STK3: variants seen among roughly 807,000 people sequenced by gnomAD.
STK3 encodes the protein serine/threonine kinase 3, also known as serine/threonine-protein kinase 3.
A neutral mutation model predicts 58.0 loss-of-function variants in STK3; 41 were observed. That is an observed-to-expected ratio of 0.71 (90% CI 0.55 to 0.92). STK3 has a LOEUF of 0.92. STK3 is among the 40% of genes least tolerant of loss of function. STK3 has a pLI of 0.00. For synonymous variants in STK3, 170 were observed against 191.0 expected, an observed-to-expected ratio of 0.89 and a Z score of 0.91; for missense variants, 479 against 602.7, an observed-to-expected ratio of 0.79 and a Z score of 2.15.
At chr8:98,507,124 G>A (rs902511015) in intron 10 of STK3, among the ~76,000 whole-genome samples, 1 of 151,938 alleles carries the variant, frequency 6.6e-6, no homozygotes, top group Non-Finnish European at 1.5e-5. Flanking sequence ...TCATTTCTTT[G>A]GAGAGTCCTT....
chr8:98,621,207 T>G (rs374435880), intron 6 of STK3, among the ~76,000 whole-genome samples: 5 of 152,254 alleles, frequency 3.3e-5, no homozygotes, highest in African/African-American at 1.2e-4. Flanking sequence ...CCCAAAGTGC[T>G]GGGATTACAG....
intron 10 of STK3, among the ~76,000 whole-genome samples, chr8:98,525,015 T>C (rs1228885537): frequency 6.6e-6 from 1 of 152,214 alleles, no homozygotes; most frequent in East Asian, 1.9e-4. Flanking sequence ...ACCATGATAA[T>C]TTATTCATTA....
intron 1 of STK3, among the ~76,000 whole-genome samples, chr8:98,796,167 A>T (rs1463856344): frequency 6.6e-6 from 1 of 152,210 alleles, no homozygotes; most frequent in Non-Finnish European, 1.5e-5. Context: ...TGGAACCAAA[A>T]AAGGGCCTGA....
chr8:98,644,469 GCTT>G (rs1820254644), intron 6 of STK3, among the ~76,000 whole-genome samples: 1 of 152,138 alleles, frequency 6.6e-6, no homozygotes, highest in Non-Finnish European at 1.5e-5. Context: ...CTTTAGAAAA[GCTT>G]CTGAGAAAAT....
intron 8 of STK3, among the ~76,000 whole-genome samples, chr8:98,565,887 T>A (rs752272471): frequency 1.3e-5 from 2 of 152,182 alleles, no homozygotes; most frequent in African/African-American, 2.4e-5. Flanking sequence ...ATTCTTACTA[T>A]GTAATACAGT....
Position 98,615,314 on chromosome 8 carries a change from TCAC to T in STK3, c.685-19148_685-19146del, listed in dbSNP as rs1178044132. On this transcript the variant is annotated intron_variant, in intron 6 of 10. Coordinates refer to ENST00000419617, the MANE Select transcript of STK3 (RefSeq NM_006281.4). Reference sequence around the variant, plus strand: ...TCCACACCGAAAACCCATCTGTACATCACCATCATCAAAGACCAAAAGTAGATA... The same window carrying T: ...TCCACACCGAAAACCCATCTGTACATCATCATCAAAGACCAAAAGTAGATA... 1.3e-4 allele frequency among the ~76,000 whole-genome samples: 18 copies of T among 142,220 alleles called. No individual in the cohort carries two copies. The Admixed American group carries it at 1.3e-3, about 10-fold the overall frequency. The allele number at this position is 142,220 out of a possible 152,430, so 93.3% of individuals were successfully genotyped here.
At chr8:98,633,675 A>G (rs1315937646) in intron 6 of STK3, 1 of 700,436 alleles carries the variant, frequency 1.4e-6, no homozygotes, top group African/African-American at 1.8e-5. Context: ...GAAACTCTTT[A>G]TGTACAAGGT....
In STK3 at chr8:98,564,089, T is replaced by C. The variant is rs149060916; in HGVS notation, c.948+15575A>G. ...GGTTAACATCAACAGTGGTAAGTCATGTTGACAGAATAATTTACTCTTGAT... is the reference window on the plus strand; with the variant it reads ...GGTTAACATCAACAGTGGTAAGTCACGTTGACAGAATAATTTACTCTTGAT... On this transcript the variant is annotated intron_variant, in intron 8 of 10. Transcript: ENST00000419617. 7.6e-4 allele frequency among the ~76,000 whole-genome samples: 115 copies of C among 152,234 alleles called. 1 individual carries two copies. The East Asian group carries it at 0.021, about 27-fold the overall frequency.
At chr8:98,694,372 T>C (rs1824673437) in intron 6 of STK3, among the ~76,000 whole-genome samples, 1 of 152,216 alleles carries the variant, frequency 6.6e-6, no homozygotes, top group South Asian at 2.1e-4. Context: ...TTTCATACTT[T>C]AAGTTTTAGG....
intron 6 of STK3, among the ~76,000 whole-genome samples, chr8:98,612,549 A>AT (rs1360207907): frequency 1.3e-5 from 2 of 151,814 alleles, no homozygotes; most frequent in Non-Finnish European, 2.9e-5. Flanking sequence ...CCCAAGGAAC[A>AT]TAACTGATGA....
At chr8:98,716,005 CA>C (rs1465000554) in intron 4 of STK3, among the ~76,000 whole-genome samples, 5 of 151,930 alleles carry the variant, frequency 3.3e-5, no homozygotes, top group African/African-American at 1.2e-4. Flanking sequence ...AGCTGGAAAC[CA>C]TCATTCTCAG....
the STK3 span, among the ~76,000 whole-genome samples, chr8:98,344,892 C>CAAAAAAA: frequency 4.2e-5 from 2 of 47,404 alleles, no homozygotes; most frequent in Non-Finnish European, 3.8e-5. Context: ...GACTCCGTCT[C>CAAAAAAA]AAAAAAAAAA....
At chr8:98,507,074 T>C (rs1824154008) in intron 10 of STK3, among the ~76,000 whole-genome samples, 1 of 152,298 alleles carries the variant, frequency 6.6e-6, no homozygotes, top group East Asian at 1.9e-4. Context: ...ACAGCAGCCA[T>C]GGGAAATGAA....
intron 1 of STK3, among the ~76,000 whole-genome samples, chr8:98,811,611 AT>A (rs1834221107): frequency 1.3e-5 from 2 of 151,048 alleles, no homozygotes; most frequent in African/African-American, 4.9e-5. Flanking sequence ...AAAAAAAAAA[AT>A]ACATCTTTAA....
chr8:98,796,712 C>T (rs1200261706), intron 1 of STK3, among the ~76,000 whole-genome samples: 3 of 152,034 alleles, frequency 2.0e-5, no homozygotes, highest in African/African-American at 4.8e-5. Context: ...ACTATGCAGC[C>T]GTCAAAGGTC....
intron 3 of STK3, among the ~76,000 whole-genome samples, chr8:98,393,467 C>T (rs1817867205): frequency 6.6e-6 from 1 of 152,108 alleles, no homozygotes. Context: ...TCCTCATCTC[C>T]TTGATTTTGG....
chr8:98,403,204 T>C (rs1817961593), intron 3 of STK3, among the ~76,000 whole-genome samples: 1 of 152,184 alleles, frequency 6.6e-6, no homozygotes, highest in African/African-American at 2.4e-5. Flanking sequence ...CAGCTCAGGG[T>C]AGGCGTTTAG....
chr8:98,453,115 T>C (rs1819278669), downstream of STK3, among the ~76,000 whole-genome samples: 1 of 68,768 alleles, frequency 1.5e-5, no homozygotes. Context: ...CGAGACAGAG[T>C]CTCGCTCTGT....
Position 98,646,180 on chromosome 8 carries a change from C to T in STK3, c.685-50011G>A, listed in dbSNP as rs1235019632. Among the ~76,000 whole-genome samples, 4 of 152,288 alleles carry T rather than the reference C, an allele frequency of 2.6e-5. No homozygotes were observed. The East Asian group carries it at 5.8e-4, about 22-fold the overall frequency. ...CAAGGTTATAACTTTTCAAATGCTA[C>T]CACTGTAATGAACTATTTCATTGCT... On this transcript the variant is annotated intron_variant, in intron 6 of 10. Transcript: ENST00000419617.
Sources: gnomAD v4.1 joint callset for allele counts (sites outside exome capture counted in the v4.1 genomes callset) on GRCh38, gnomAD v4.1.1 for gene constraint, MANE v1.5 for transcripts, NCBI Gene and HGNC (gene_info 2026-07-23, HGNC 2026-07-21) for gene names.